Variants in DIP2C observed in about 807,000 individuals in gnomAD.
The protein encoded by DIP2C is DIP2 acetate--CoA ligase C (putative), also known as disco-interacting protein 2 homolog C.
A neutral mutation model predicts 192.4 loss-of-function variants in DIP2C; 33 were observed. The ratio of observed to expected loss-of-function variants is 0.17; its 90% confidence interval spans 0.13 to 0.23. The LOEUF (loss-of-function observed/expected upper bound fraction) is 0.23, where lower values mean the gene tolerates loss of function less well. Ranked by LOEUF, DIP2C falls within the 10% of genes least tolerant of loss-of-function variation. The pLI, the probability that DIP2C is intolerant of heterozygous loss-of-function variation, is 1.00. For synonymous variants in DIP2C, 979 were observed against 864.1 expected (o/e 1.13, Z -2.33); for missense variants, 1,537 against 2,110.1 (o/e 0.73, Z 5.32).
chr10:277,754 T>C (rs954076013), intron 36 of DIP2C, among the ~76,000 whole-genome samples, 177 bp from the exon 37 acceptor site: 1 of 152,016 alleles, frequency 6.6e-6, no homozygotes, highest in African/African-American at 2.4e-5. Flanking sequence ...ACAGACTTCC[T>C]GGCGACAGCA....
chr10:539,271 G>A (rs553557695), intron 1 of DIP2C, among the ~76,000 whole-genome samples: 1 of 152,100 alleles, frequency 6.6e-6, no homozygotes, highest in Non-Finnish European at 1.5e-5. Context: ...CTATCCTGGG[G>A]TTCCAGGCCT....
chr10:505,648 G>T (rs887222863), intron 1 of DIP2C, among the ~76,000 whole-genome samples: 4 of 148,314 alleles, frequency 2.7e-5, no homozygotes, highest in Non-Finnish European at 6.0e-5. Context: ...TGACACCAGG[G>T]AGATGGAGCC....
intron 3 of DIP2C, among the ~76,000 whole-genome samples, chr10:454,762 A>T (rs1012556900): frequency 6.6e-5 from 10 of 152,072 alleles, no homozygotes; most frequent in African/African-American, 2.4e-4. Context: ...TCTATGCTCG[A>T]TGTCATTATT....
At chr10:447,476 G>A (rs1187536068) in intron 3 of DIP2C, among the ~76,000 whole-genome samples, 15 of 130,920 alleles carry the variant, frequency 1.1e-4, no homozygotes, top group African/African-American at 3.4e-4. Context: ...CACTCCCATC[G>A]ATACTCAGGA....
chr10:397,083 T>A (rs1964047214), intron 10 of DIP2C, among the ~76,000 whole-genome samples: 1 of 152,222 alleles, frequency 6.6e-6, no homozygotes, highest in African/African-American at 2.4e-5. Flanking sequence ...TCTGAAGAGA[T>A]ACCCACGTGG....
chr10:289,726 C>T (rs1022977026), intron 32 of DIP2C, among the ~76,000 whole-genome samples: 24 of 152,166 alleles, frequency 1.6e-4, no homozygotes, highest in Admixed American at 6.5e-5. Flanking sequence ...CCTGAGGGAC[C>T]AGTCCAGCAC....
At chr10:659,924 T>C (rs1856651102) in intron 1 of DIP2C, among the ~76,000 whole-genome samples, 1 of 152,210 alleles carries the variant, frequency 6.6e-6, no homozygotes, top group African/African-American at 2.4e-5. Flanking sequence ...TAAATCATAG[T>C]TGTCAAAATG....
chr10:455,488 G>A (rs1486339147), intron 3 of DIP2C, among the ~76,000 whole-genome samples: 1 of 99,666 alleles, frequency 1.0e-5, no homozygotes, highest in Non-Finnish European at 2.4e-5. Flanking sequence ...GTCCCTGCCT[G>A]AGGGGAGACC....
chr10:550,304 C>G (rs893905064), intron 1 of DIP2C, among the ~76,000 whole-genome samples: 4 of 152,092 alleles, frequency 2.6e-5, no homozygotes, highest in Non-Finnish European at 5.9e-5. Flanking sequence ...GCCACAGTGC[C>G]CGGCCCATGT....
At chr10:398,521 C>T (rs1438273079) in intron 10 of DIP2C, among the ~76,000 whole-genome samples, 2 of 152,170 alleles carry the variant, frequency 1.3e-5, no homozygotes, top group Non-Finnish European at 2.9e-5. Context: ...AAGCTGCAGC[C>T]GGACCACCCT....
chr10:430,006 T>A (rs1467778151), intron 4 of DIP2C, among the ~76,000 whole-genome samples: 1 of 152,206 alleles, frequency 6.6e-6, no homozygotes, highest in East Asian at 1.9e-4. Flanking sequence ...AGACCAGCAA[T>A]GAATGAGAGA....
intron 9 of DIP2C, among the ~76,000 whole-genome samples, chr10:407,296 G>A (rs918672240): frequency 2.0e-5 from 3 of 152,166 alleles, no homozygotes; most frequent in Non-Finnish European, 4.4e-5. Flanking sequence ...TGTGTTATGT[G>A]TCAGAACTTC....
intron 1 of DIP2C, among the ~76,000 whole-genome samples, chr10:599,484 C>A (rs534116262): frequency 7.2e-5 from 11 of 152,344 alleles, no homozygotes; most frequent in African/African-American, 2.6e-4. Context: ...GAAGTATAAT[C>A]ATGTCACCAC....
chr10:537,986 C>CT (rs1375617116), intron 1 of DIP2C, among the ~76,000 whole-genome samples: 2 of 152,196 alleles, frequency 1.3e-5, no homozygotes, highest in Admixed American at 1.3e-4. Flanking sequence ...GACAGGGTTT[C>CT]TCCATGTTGG....
At chr10:519,687 C>G (rs1317341329) in intron 1 of DIP2C, among the ~76,000 whole-genome samples, 1 of 152,274 alleles carries the variant, frequency 6.6e-6, no homozygotes, top group African/African-American at 2.4e-5. Flanking sequence ...GCACAGAAAC[C>G]TGACCCTCTC....
At chr10:432,634 TCTA>T (rs1318055475) in intron 4 of DIP2C, among the ~76,000 whole-genome samples, 3 of 152,234 alleles carry the variant, frequency 2.0e-5, no homozygotes, top group Non-Finnish European at 2.9e-5. Context: ...GTTGATTTTC[TCTA>T]CTGATTTTCT....
chr10:383,488 A>G (rs1962568001), intron 16 of DIP2C, among the ~76,000 whole-genome samples: 2 of 152,242 alleles, frequency 1.3e-5, no homozygotes, highest in Non-Finnish European at 1.5e-5. Flanking sequence ...GTGTATTTAT[A>G]GTATTCTGTG....
chr10:593,548 CCT>C (rs1351333505), intron 1 of DIP2C, among the ~76,000 whole-genome samples: 1 of 142,530 alleles, frequency 7.0e-6, no homozygotes, highest in African/African-American at 2.6e-5. Context: ...GGAAGGCTGC[CCT>C]GACTTCCAAC....
intron 2 of DIP2C, among the ~76,000 whole-genome samples, chr10:482,063 G>C (rs1843654529): frequency 6.6e-6 from 1 of 152,208 alleles, no homozygotes; most frequent in South Asian, 2.1e-4. Context: ...CGGATGGTCT[G>C]ACTGAAGGAT....
Sources: gnomAD v4.1 joint callset for allele counts (sites outside exome capture counted in the v4.1 genomes callset) on GRCh38, gnomAD v4.1.1 for gene constraint, MANE v1.5 for transcripts, NCBI Gene and HGNC (gene_info 2026-07-23, HGNC 2026-07-21) for gene names.